PDZRN4: variants seen among roughly 807,000 people sequenced by gnomAD.
PDZRN4 encodes the protein PDZ domain-containing RING finger protein 4.
PDZRN4 carries 70 observed loss-of-function variants against 99.0 expected under a neutral mutation model. The ratio of observed to expected loss-of-function variants is 0.71; its 90% confidence interval spans 0.58 to 0.86. The LOEUF (loss-of-function observed/expected upper bound fraction) is 0.86. PDZRN4 is among the 40% of genes least tolerant of loss of function. The pLI is 0.00. For missense variants in PDZRN4, 1,474 were observed against 1,331.2 expected (o/e 1.11, Z -1.67); for synonymous variants, 551 against 501.6 (o/e 1.10, Z -1.32).
At chr12:41,515,442 A>C (rs10880089) in intron 5 of PDZRN4, among the ~76,000 whole-genome samples, 21,151 of 152,010 alleles carry the variant, frequency 0.14, 1,934 homozygotes, top group Non-Finnish European at 0.2. Context: ...CCATTAAAAA[A>C]ATCACCTTCA....
intron 3 of PDZRN4, among the ~76,000 whole-genome samples, chr12:41,301,211 A>AAAGGAAACACAGAC (rs1951533285): frequency 6.6e-6 from 1 of 152,034 alleles, no homozygotes; most frequent in African/African-American, 2.4e-5. Context: ...AAACGATGAG[A>AAAGGAAACACAGAC]AAGGAAACAC....
intron 3 of PDZRN4, among the ~76,000 whole-genome samples, chr12:41,342,279 C>T (rs1186023714): frequency 6.6e-6 from 1 of 151,782 alleles, no homozygotes; most frequent in Non-Finnish European, 1.5e-5. Flanking sequence ...TGCTTTATAA[C>T]AGTGGGCTGG....
chr12:41,301,246 T>C (rs1310793345), intron 3 of PDZRN4, among the ~76,000 whole-genome samples: 1 of 151,092 alleles, frequency 6.6e-6, no homozygotes, highest in African/African-American at 2.5e-5. Flanking sequence ...CCCATTTGAA[T>C]ATATTCTTTT....
intron 3 of PDZRN4, among the ~76,000 whole-genome samples, chr12:41,213,380 C>G (rs1180755612): frequency 1.3e-5 from 2 of 152,002 alleles, no homozygotes; most frequent in Admixed American, 1.3e-4. Context: ...ATTTCACGAA[C>G]AGACTCTGGG....
chr12:41,507,486 C>G (rs542765967), intron 4 of PDZRN4, among the ~76,000 whole-genome samples: 1 of 152,048 alleles, frequency 6.6e-6, no homozygotes, highest in Non-Finnish European at 1.5e-5. Flanking sequence ...TACTCCAATC[C>G]GCTCTCTACT....
intron 3 of PDZRN4, among the ~76,000 whole-genome samples, chr12:41,248,675 A>G (rs992201110): frequency 6.6e-6 from 1 of 152,328 alleles, no homozygotes; most frequent in South Asian, 2.1e-4. Context: ...GAGCTCTAAC[A>G]TATTTCATAT....
intron 3 of PDZRN4, among the ~76,000 whole-genome samples, chr12:41,227,974 A>G (rs1460247071): frequency 6.6e-6 from 1 of 152,072 alleles, no homozygotes; most frequent in Non-Finnish European, 1.5e-5. Flanking sequence ...TTACTTTCAA[A>G]GATGTTTACC....
In PDZRN4 at chr12:41,359,642, A is replaced by G. The variant is rs190985883; in HGVS notation, c.844-146814A>G. Among the ~76,000 whole-genome samples the G allele has an allele frequency of 1.8e-4, 28 of 152,048 alleles. No individual in the cohort carries two copies. The East Asian group carries it at 4.7e-3, about 25-fold the overall frequency. On this transcript the variant is annotated intron_variant, in intron 3 of 9. Coordinates refer to ENST00000402685, the MANE Select transcript of PDZRN4 (RefSeq NM_001164595.2). ...TTTATAAATGGGAGTTCCCCTGCACATGCTCTCTTTTTGCCTGTCTCCATA... is the reference window on the plus strand; with the variant it reads ...TTTATAAATGGGAGTTCCCCTGCACGTGCTCTCTTTTTGCCTGTCTCCATA...
intron 3 of PDZRN4, among the ~76,000 whole-genome samples, chr12:41,466,857 T>C (rs1952931255): frequency 6.7e-6 from 1 of 149,476 alleles, no homozygotes; most frequent in African/African-American, 2.5e-5. Context: ...GATCATAGAA[T>C]AAGGAAAAAG....
chr12:41,189,108 G>A lies in PDZRN4; in HGVS notation c.648+5G>A, dbSNP rs1340319051. On this transcript the variant is annotated splice_donor_5th_base_variant and intron_variant, in intron 1 of 9. Transcript: ENST00000402685. ...CTCGGTGGCGGCCACCGCAGGGTAAGCAAAGGGGGGTGGGCACCGCGGGCA... is the reference window on the plus strand; with the variant it reads ...CTCGGTGGCGGCCACCGCAGGGTAAACAAAGGGGGGTGGGCACCGCGGGCA... 3.8e-6 allele frequency: 6 copies of A among 1,577,904 alleles called. No individual in the cohort carries two copies. The highest frequency in any genetic ancestry group is 4.3e-6 in the Non-Finnish European group (5 of 1,170,234).
chr12:41,202,588 C>A (rs1950824541), intron 3 of PDZRN4, among the ~76,000 whole-genome samples: 1 of 152,008 alleles, frequency 6.6e-6, no homozygotes, highest in Non-Finnish European at 1.5e-5. Context: ...CAGCTTTGCT[C>A]TTCTTTCTTA....
chr12:41,415,394 GATATAC>G (rs1380746537), intron 3 of PDZRN4, among the ~76,000 whole-genome samples: 1 of 149,442 alleles, frequency 6.7e-6, no homozygotes, highest in Non-Finnish European at 1.5e-5. Flanking sequence ...ATATAACAAA[GATATAC>G]ATATCATTGT....
intron 3 of PDZRN4, among the ~76,000 whole-genome samples, chr12:41,221,299 C>A (rs1167489525): frequency 1.3e-5 from 2 of 152,162 alleles, no homozygotes; most frequent in Non-Finnish European, 2.9e-5. Flanking sequence ...CGTCCTAACA[C>A]AGAAATTAGT....
At chr12:41,274,678 C>A (rs757849270) in intron 3 of PDZRN4, among the ~76,000 whole-genome samples, 5 of 152,158 alleles carry the variant, frequency 3.3e-5, no homozygotes, top group Non-Finnish European at 7.4e-5. Flanking sequence ...AGACAGCCTG[C>A]TTCTTCTTCA....
At chr12:41,516,280 C>A (rs911716929) in intron 5 of PDZRN4, among the ~76,000 whole-genome samples, 1 of 152,006 alleles carries the variant, frequency 6.6e-6, no homozygotes, top group Non-Finnish European at 1.5e-5. Flanking sequence ...ATAGAAGTGA[C>A]CACTTGTAAT....
chr12:41,424,469 A>G (rs370258363), intron 3 of PDZRN4, among the ~76,000 whole-genome samples: 26 of 152,208 alleles, frequency 1.7e-4, no homozygotes, highest in African/African-American at 4.6e-4. Context: ...TAATCATTCA[A>G]TCATGCTAGA....
intron 5 of PDZRN4, among the ~76,000 whole-genome samples, chr12:41,522,618 T>C (rs1245237048): frequency 6.6e-6 from 1 of 152,138 alleles, no homozygotes; most frequent in Non-Finnish European, 1.5e-5. Context: ...CCGTTTTATA[T>C]GCAGGTTCTA....
chr12:41,355,000 A>C (rs1335261999), intron 3 of PDZRN4, among the ~76,000 whole-genome samples: 1 of 152,076 alleles, frequency 6.6e-6, no homozygotes, highest in Non-Finnish European at 1.5e-5. Flanking sequence ...AGCACAGAGA[A>C]TAGTGGGGAA....
intron 3 of PDZRN4, among the ~76,000 whole-genome samples, chr12:41,316,979 T>A (rs1420923829): frequency 1.4e-5 from 2 of 146,922 alleles, no homozygotes; most frequent in African/African-American, 4.9e-5. Flanking sequence ...GCACCCAATG[T>A]CACTTGCTCT....
Sources: allele counts gnomAD v4.1 joint callset (sites outside exome capture counted in the v4.1 genomes callset), GRCh38; gene constraint gnomAD v4.1.1; transcripts MANE v1.5; gene names NCBI Gene and HGNC (gene_info 2026-07-23, HGNC 2026-07-21).